FILIP1: variants seen among roughly 807,000 people sequenced by gnomAD.
FILIP1 encodes the protein filamin-A-interacting protein 1.
In FILIP1, 61 loss-of-function variants were observed where a neutral mutation model predicts 102.1. That is an observed-to-expected ratio of 0.60 (90% confidence interval 0.49 to 0.74). FILIP1 has a LOEUF of 0.74. FILIP1 is among the 30% of genes least tolerant of loss of function. The probability of loss-of-function intolerance (pLI) is 0.00; values close to 1 mark genes in which losing one functional copy is unlikely to be tolerated. For missense variants in FILIP1, 1,314 were observed against 1,441.2 expected (o/e 0.91, Z 1.43); for synonymous variants, 491 against 526.9 (o/e 0.93, Z 0.93).
intron 2 of FILIP1, among the ~76,000 whole-genome samples, chr6:75,366,522 A>G (rs1352896256): frequency 1.3e-5 from 2 of 152,218 alleles, no homozygotes; most frequent in Admixed American, 1.3e-4. Context: ...CAAGCTGCTA[A>G]CCTTGCTTTG....
intron 3 of FILIP1, among the ~76,000 whole-genome samples, chr6:75,362,496 TAACTATCAGAACCACATGGA>T (rs1181543683): frequency 6.6e-6 from 1 of 152,234 alleles, no homozygotes; most frequent in African/African-American, 2.4e-5. Context: ...CAAGAGCATG[TAACTATCAGAACCACATGGA>T]AAAATATATT....
chr6:75,303,181 T>A (rs1400092731), downstream of FILIP1, among the ~76,000 whole-genome samples: 1 of 144,682 alleles, frequency 6.9e-6, no homozygotes, highest in African/African-American at 2.9e-5. Flanking sequence ...AGATGGAGAA[T>A]AATAAGAGAA....
At chr6:75,468,621 G>A (rs1028823319) in intron 1 of FILIP1, among the ~76,000 whole-genome samples, 2 of 152,114 alleles carry the variant, frequency 1.3e-5, no homozygotes, top group Admixed American at 1.3e-4. Flanking sequence ...ATAAAAGTTA[G>A]GAATTATGTA....
intron 4 of FILIP1, among the ~76,000 whole-genome samples, chr6:75,327,130 C>A (rs980136226): frequency 6.6e-6 from 1 of 152,236 alleles, no homozygotes; most frequent in African/African-American, 2.4e-5. Context: ...GTTCCAACCA[C>A]ATCTTCCTCA....
At chr6:75,333,769 T>G (rs892451584) in intron 4 of FILIP1, among the ~76,000 whole-genome samples, 3 of 152,196 alleles carry the variant, frequency 2.0e-5, no homozygotes, top group Non-Finnish European at 4.4e-5. Context: ...TACTGAGCAC[T>G]AAATCAAGCT....
At chr6:75,436,822 G>GA (rs1481584067) in intron 1 of FILIP1, among the ~76,000 whole-genome samples, 1 of 151,994 alleles carries the variant, frequency 6.6e-6, no homozygotes, top group Non-Finnish European at 1.5e-5. Context: ...CAGCTCTCCA[G>GA]AAAAAATAAA....
intron 1 of FILIP1, among the ~76,000 whole-genome samples, chr6:75,463,745 T>A (rs968600215): frequency 6.6e-6 from 1 of 152,244 alleles, no homozygotes; most frequent in Admixed American, 6.5e-5. Context: ...TTATCTTAGT[T>A]TATTCATATT....
chr6:75,306,064 C>T (rs1190827550), downstream of FILIP1, among the ~76,000 whole-genome samples: 1 of 152,200 alleles, frequency 6.6e-6, no homozygotes, highest in African/African-American at 2.4e-5. Context: ...CACCTCCTAT[C>T]CCCAGTGGAT....
At chr6:75,378,491 A>T (rs13211248) in intron 2 of FILIP1, among the ~76,000 whole-genome samples, 1 of 152,228 alleles carries the variant, frequency 6.6e-6, no homozygotes, top group Non-Finnish European at 1.5e-5. Context: ...TGGCCATGAA[A>T]GCACAGCAAG....
chr6:75,481,429 TCTCA>T (rs1779648003), intron 1 of FILIP1, among the ~76,000 whole-genome samples: 1 of 152,210 alleles, frequency 6.6e-6, no homozygotes, highest in African/African-American at 2.4e-5. Flanking sequence ...AATGTTGGCA[TCTCA>T]CTCACAGTCT....
intron 3 of FILIP1, among the ~76,000 whole-genome samples, chr6:75,354,921 T>C (rs1175289226): frequency 2.0e-5 from 3 of 152,200 alleles, no homozygotes; most frequent in African/African-American, 7.2e-5. Context: ...CAAAGTCCTC[T>C]TTTTTTCAAG....
At chr6:75,393,756 T>C (rs1249573317) in intron 2 of FILIP1, among the ~76,000 whole-genome samples, 1 of 152,234 alleles carries the variant, frequency 6.6e-6, no homozygotes, top group African/African-American at 2.4e-5. Flanking sequence ...ATACTAAGCC[T>C]GAGATTCTGC....
intron 1 of FILIP1, among the ~76,000 whole-genome samples, chr6:75,429,010 ACTATTACCTCTTTAGCC>A (rs1453959474): frequency 5.9e-5 from 9 of 152,132 alleles, no homozygotes; most frequent in African/African-American, 2.2e-4. Context: ...CTTATTACTC[ACTATTACCTCTTTAGCC>A]CTAAGAGTCA....
chr6:75,331,651 C>A (rs993814179), intron 4 of FILIP1, among the ~76,000 whole-genome samples: 1 of 152,060 alleles, frequency 6.6e-6, no homozygotes, highest in Non-Finnish European at 1.5e-5. Flanking sequence ...AGGCGTATAA[C>A]CCATGTGGCA....
chr6:75,397,713 CT>C (rs749747199), intron 2 of FILIP1, among the ~76,000 whole-genome samples: 1 of 152,044 alleles, frequency 6.6e-6, no homozygotes, highest in Non-Finnish European at 1.5e-5. Context: ...GGATCACTCA[CT>C]TTCATTGGTG....
chr6:75,412,687 A>G (rs997839582), intron 2 of FILIP1, among the ~76,000 whole-genome samples: 2 of 152,212 alleles, frequency 1.3e-5, no homozygotes, highest in African/African-American at 4.8e-5. Flanking sequence ...AGTTCTAAAT[A>G]TAGGAGCTTT....
chr6:75,302,773 G>A (rs1772871781), intron 6 of FILIP1, among the ~76,000 whole-genome samples: 1 of 151,978 alleles, frequency 6.6e-6, no homozygotes, highest in Non-Finnish European at 1.5e-5. Context: ...TGAGTAATAA[G>A]GAACTTTTGG....
At chr6:75,372,681 GAAAGAGAAAGAAAGAGAA>G (rs1775580537) in intron 2 of FILIP1, among the ~76,000 whole-genome samples, 5 of 45,626 alleles carry the variant, frequency 1.1e-4, no homozygotes, top group African/African-American at 5.7e-4. Context: ...AAGAAAGAAA[GAAAGAGAAAGAAAGAGAA>G]AGAAAGAAAG....
chr6:75,465,634 G>A (rs1779139880), intron 1 of FILIP1: 1 of 322,758 alleles, frequency 3.1e-6, no homozygotes, highest in Non-Finnish European at 5.7e-6. Context: ...ATTTTCCACA[G>A]TAGTATATTT....
Sources: gnomAD v4.1 joint callset for allele counts (sites outside exome capture counted in the v4.1 genomes callset) on GRCh38, gnomAD v4.1.1 for gene constraint, MANE v1.5 for transcripts, NCBI Gene and HGNC (gene_info 2026-07-23, HGNC 2026-07-21) for gene names.